AGO2: variants seen among roughly 807,000 people sequenced by gnomAD.
AGO2 encodes protein argonaute-2.
In AGO2, 5 loss-of-function variants were observed where a neutral mutation model predicts 102.3. That is an observed-to-expected ratio of 0.05 (90% CI 0.03 to 0.10). AGO2 has a LOEUF of 0.10. Ranked by LOEUF, AGO2 falls within the 10% of genes least tolerant of loss-of-function variation. AGO2 has a pLI of 1.00. For missense variants in AGO2, 541 were observed against 1,183.7 expected (o/e 0.46, Z 7.97); for synonymous variants, 449 against 473.1 (o/e 0.95, Z 0.66).
chr8:140,538,605 C>T (rs1403316834), intron 16 of AGO2, among the ~76,000 whole-genome samples: 2 of 152,214 alleles, frequency 1.3e-5, no homozygotes, highest in African/African-American at 2.4e-5. Context: ...CCTCTCCTCC[C>T]CTCCTCAGCA....
At chr8:140,621,276 C>T (rs1195367965) in intron 1 of AGO2, among the ~76,000 whole-genome samples, 4 of 152,336 alleles carry the variant, frequency 2.6e-5, no homozygotes, top group African/African-American at 9.6e-5. Context: ...CAGCAGTCCC[C>T]GACACCCCAT....
chr8:140,557,060 C>A lies in AGO2; in HGVS notation c.1026+29G>T, dbSNP rs754023811. ...CTGGGACGCCGCCCTCCCAAGCCCC[C>A]AGAGACACACAGGAAGAGGGTGACT... On this transcript the variant is annotated intron_variant, in intron 8 of 18. Transcript: ENST00000220592. The surrounding 1 kb of genome is among the most constrained non-coding windows in gnomAD (Gnocchi z 5.9). The A allele has an allele frequency of 1.9e-5, 31 of 1,601,144 alleles. No homozygotes were observed. Among genetic ancestry groups the A allele is most frequent in the Non-Finnish European group, 2.4e-5 (28 of 1,172,214 alleles).
intron 12 of AGO2, 67 bp from the exon 13 acceptor site, chr8:140,547,694 A>C (rs976833934): frequency 1.9e-6 from 3 of 1,548,044 alleles, no homozygotes; most frequent in Non-Finnish European, 2.6e-6. Context: ...CGAGAGCAGC[A>C]GCTGCCACCA....
intron 10 of AGO2, among the ~76,000 whole-genome samples, chr8:140,552,674 GCACACA>G (rs148826477): frequency 6.7e-6 from 1 of 150,192 alleles, no homozygotes; most frequent in Admixed American, 6.6e-5. Flanking sequence ...GACAGGGAGT[GCACACA>G]CACACACACA....
intron 6 of AGO2, among the ~76,000 whole-genome samples, chr8:140,558,936 C>A (rs1480012264): frequency 6.6e-6 from 1 of 152,198 alleles, no homozygotes; most frequent in Non-Finnish European, 1.5e-5. Context: ...GGGGTGGGCC[C>A]CCCATTCTGT....
intron 2 of AGO2, among the ~76,000 whole-genome samples, chr8:140,577,016 G>A (rs1321300159): frequency 6.6e-6 from 1 of 152,026 alleles, no homozygotes; most frequent in Non-Finnish European, 1.5e-5. Flanking sequence ...GACCACCCTG[G>A]CTAACACAAT....
rs574030927 is a variant in AGO2 at position 140,529,791 on chromosome 8, C to G, written c.*2253G>C. On this transcript the variant is annotated 3_prime_UTR_variant, in exon 19 of 19. Coordinates refer to ENST00000220592, the MANE Select transcript of AGO2 (RefSeq NM_012154.5). ...CCGCACGCAGGAGGTGGCAGCAGGC[C>G]CACAAATCTGCATGTTAAACAAGAA... 1.3e-5 allele frequency: 2 copies of G among 152,174 alleles called. No homozygotes were observed. The highest frequency in any genetic ancestry group is 4.1e-4 in the South Asian group (2 of 4,826). 9.4% of individuals were successfully genotyped at this position (152,174 alleles called of 1,614,324 possible).
At chr8:140,615,088 T>A (rs2074123802) in intron 1 of AGO2, among the ~76,000 whole-genome samples, 1 of 152,120 alleles carries the variant, frequency 6.6e-6, no homozygotes, top group Non-Finnish European at 1.5e-5. Flanking sequence ...GTTCCACTTT[T>A]GAAATAAACA....
At chr8:140,575,796 G>T (rs1037569906) in intron 2 of AGO2, among the ~76,000 whole-genome samples, 1 of 152,280 alleles carries the variant, frequency 6.6e-6, no homozygotes, top group Non-Finnish European at 1.5e-5. Flanking sequence ...ACAAAAGGTT[G>T]TATTTAACAT....
chr8:140,615,478 C>A lies in AGO2; in HGVS notation c.22+20007G>T, dbSNP rs562152375. ...GGCAGTGTTCTCGCCCGGCACACAG[C>A]CCGCTCAGAGCCCTCTGAAGGGTGG... On this transcript the variant is annotated intron_variant, in intron 1 of 18. Coordinates refer to ENST00000220592, the MANE Select transcript of AGO2 (RefSeq NM_012154.5). Among the ~76,000 whole-genome samples the A allele has an allele frequency of 2.0e-5, 3 of 152,340 alleles. No individual in the cohort carries two copies. The South Asian group carries it at 6.2e-4, about 32-fold the overall frequency.
At chr8:140,595,627 TATTA>T (rs1400524124) in intron 1 of AGO2, among the ~76,000 whole-genome samples, 1 of 135,128 alleles carries the variant, frequency 7.4e-6, no homozygotes, top group African/African-American at 2.7e-5. Flanking sequence ...TATATATATA[TATTA>T]TATATATATT....
At chr8:140,617,838 G>GAAACCCCGTCTCTACTAAAAAATAGT (rs764627694) in intron 1 of AGO2, among the ~76,000 whole-genome samples, 193 of 151,978 alleles carry the variant, frequency 1.3e-3, no homozygotes, top group Non-Finnish European at 1.8e-3. Flanking sequence ...ACAACATAGT[G>GAAACCCCGTCTCTACTAAAAAATAGT]AGACCCTGTC....
At chr8:140,565,434 G>A (rs1461142153) in intron 3 of AGO2, among the ~76,000 whole-genome samples, 1 of 132,264 alleles carries the variant, frequency 7.6e-6, no homozygotes, top group Non-Finnish European at 1.6e-5. Flanking sequence ...GCAAGACTCT[G>A]TCTCAAAAAA....
intron 1 of AGO2, among the ~76,000 whole-genome samples, chr8:140,625,360 C>A (rs2074263016): frequency 6.6e-6 from 1 of 152,152 alleles, no homozygotes; most frequent in South Asian, 2.1e-4. Context: ...CCCGCCTTGG[C>A]CTCCCGAAGT....
At chr8:140,595,032 T>C (rs1472402037) in intron 1 of AGO2, among the ~76,000 whole-genome samples, 2 of 152,134 alleles carry the variant, frequency 1.3e-5, no homozygotes, top group South Asian at 2.1e-4. Context: ...CTCCCATCCA[T>C]GTGGGGAGAT....
intron 1 of AGO2, among the ~76,000 whole-genome samples, chr8:140,610,355 T>C (rs1172452125): frequency 1.3e-5 from 2 of 152,030 alleles, no homozygotes; most frequent in Admixed American, 1.3e-4. Context: ...GTAGCTGGGA[T>C]TACAGGTGCC....
At chr8:140,535,599 C>T (rs778073927) in intron 16 of AGO2, 30 bp from the exon 17 acceptor site, 36 of 1,608,764 alleles carry the variant, frequency 2.2e-5, no homozygotes, top group Admixed American at 2.0e-4. Context: ...TCGTTAGACA[C>T]GGCCAGGGAC....
At chr8:140,571,241 C>G (rs1454014944) in intron 3 of AGO2, among the ~76,000 whole-genome samples, 1 of 152,196 alleles carries the variant, frequency 6.6e-6, no homozygotes, top group Non-Finnish European at 1.5e-5. Flanking sequence ...GGTCTCTGCT[C>G]AGTCACAGCA....
At chr8:140,575,692 T>G (rs1172834940) in intron 2 of AGO2, among the ~76,000 whole-genome samples, 1 of 152,136 alleles carries the variant, frequency 6.6e-6, no homozygotes, top group Non-Finnish European at 1.5e-5. Context: ...GGCCAATCAC[T>G]TACAAACAGA....
Sources: allele counts gnomAD v4.1 joint callset (sites outside exome capture counted in the v4.1 genomes callset), GRCh38; gene constraint gnomAD v4.1.1; non-coding constraint Gnocchi (gnomAD v3.1); transcripts MANE v1.5; gene names NCBI Gene and HGNC (gene_info 2026-07-23, HGNC 2026-07-21).